CATSPER3: variants seen among roughly 807,000 people sequenced by gnomAD.
The protein encoded by CATSPER3 is cation channel sperm associated 3.
Under a neutral mutation model 36.6 loss-of-function variants are expected in CATSPER3, and 23 were observed. That is an observed-to-expected ratio of 0.63 (90% confidence interval 0.45 to 0.89). The LOEUF (loss-of-function observed/expected upper bound fraction) is 0.89. Among genes scored for constraint, CATSPER3 ranks in the 40% least tolerant of loss-of-function variants. The pLI is 0.00. For missense variants in CATSPER3, 474 were observed against 503.9 expected (o/e 0.94, Z 0.57); for synonymous variants, 172 against 184.1 (o/e 0.93, Z 0.53).
chr5:135,010,514 G>T lies in CATSPER3; in HGVS notation c.1078G>T (p.Asp360Tyr). 6.2e-7 allele frequency: 1 copy of T among 1,614,160 alleles called. No individual in the cohort carries two copies. The highest frequency in any genetic ancestry group is 8.5e-7 in the Non-Finnish European group (1 of 1,180,004). The change falls in exon 7 of 8, where the codon GAC becomes TAC. Residue 360 changes from aspartate (D) to tyrosine (Y), a missense_variant. By Grantham distance (160) the Asp-to-Tyr change is radical. Transcript: ENST00000282611. ...CTACTTTTCCACTCTGGACTACCAG[G>T]ACACAACTGTCCACAAGTCAGTTCC... Reference protein sequence around the residue: ...DIYFSTLDYQDTTVHKLQELY... With the variant: ...DIYFSTLDYQYTTVHKLQELY...
intron 3 of CATSPER3, among the ~76,000 whole-genome samples, chr5:135,007,520 G>A (rs78524033): frequency 0.014 from 2,199 of 152,222 alleles, 48 homozygotes; most frequent in East Asian, 0.084. Flanking sequence ...CATTCCTCTC[G>A]GCCTTCTGTA....
intron 2 of CATSPER3, among the ~76,000 whole-genome samples, chr5:134,974,832 CT>C (rs753989517): frequency 6.6e-6 from 1 of 152,136 alleles, no homozygotes; most frequent in Non-Finnish European, 1.5e-5. Context: ...TGGTTATGGA[CT>C]GTGGAACATC....
chr5:134,975,163 A>G (rs924514006), intron 2 of CATSPER3: 5 of 152,146 alleles, frequency 3.3e-5, no homozygotes, highest in African/African-American at 1.2e-4. Context: ...ATTGAAAATA[A>G]CATGTATGAA....
At chr5:134,987,262 A>G (rs1406014808) in intron 2 of CATSPER3, among the ~76,000 whole-genome samples, 4 of 152,208 alleles carry the variant, frequency 2.6e-5, no homozygotes, top group Middle Eastern at 3.2e-3. Context: ...TCTAGATGAA[A>G]TGGACAGCAC....
At position 134,993,547 on chromosome 5, in the gene CATSPER3, G is replaced by A. The variant is rs115125158; in HGVS notation, c.253-2726G>A. On this transcript the variant is annotated intron_variant, in intron 2 of 7. Coordinates refer to ENST00000282611, the MANE Select transcript of CATSPER3 (RefSeq NM_178019.3). The stretch of plus-strand genomic sequence containing the variant: ...AAATAAAGAACTTTCTTCATGAGAC[G>A]ATCAAGATAAATAGAAGCCCTAAAT... Among the ~76,000 whole-genome samples the A allele has an allele frequency of 6.7e-3, 1,023 of 152,094 alleles. 9 individuals carry two copies. The highest frequency in any genetic ancestry group is 0.024 in the African/African-American group (982 of 41,506).
chr5:134,996,344 C>G lies in CATSPER3; in HGVS notation c.324C>G (p.Asn108Lys). ...LSMKVYVDPI[N>K]YWKNGYNLLD... ...TGAAGGTCTATGTGGACCCCATCAACTACTGGAAGAACGGCTACAACCTGC... is the reference window on the plus strand; with the variant it reads ...TGAAGGTCTATGTGGACCCCATCAAGTACTGGAAGAACGGCTACAACCTGC... Residue 108 changes from asparagine (N) to lysine (K), a missense_variant, in exon 3 of 8, where the codon AAC (asparagine) becomes AAG (lysine). By Grantham distance (94) the Asn-to-Lys change is moderately conservative. Transcript: ENST00000282611. 2 of 1,614,234 alleles carry G rather than the reference C, an allele frequency of 1.2e-6. No individual in the cohort carries two copies. Among genetic ancestry groups the G allele is most frequent in the Non-Finnish European group, 1.7e-6 (2 of 1,180,010 alleles).
intron 2 of CATSPER3, among the ~76,000 whole-genome samples, chr5:134,995,453 G>A (rs1751933286): frequency 6.6e-6 from 1 of 151,956 alleles, no homozygotes; most frequent in African/African-American, 2.4e-5. Flanking sequence ...CCTCCAACCT[G>A]GCGAGTCCCT....
At chr5:134,975,826 T>C (rs1751666352) in intron 2 of CATSPER3, among the ~76,000 whole-genome samples, 1 of 152,232 alleles carries the variant, frequency 6.6e-6, no homozygotes, top group African/African-American at 2.4e-5. Context: ...TGCAATCCCA[T>C]GTTTATTGTA....
intron 2 of CATSPER3, among the ~76,000 whole-genome samples, chr5:134,994,348 G>T (rs141991275): frequency 6.6e-6 from 1 of 152,200 alleles, no homozygotes; most frequent in African/African-American, 2.4e-5. Context: ...TATTAATAGA[G>T]AAATGAAAAT....
Position 134,996,358 on chromosome 5 carries a change from G to T in CATSPER3, c.338G>T (p.Gly113Val). ...GACCCCATCAACTACTGGAAGAACGGCTACAACCTGCTGGATGTGATCATT... is the reference window on the plus strand; with the variant it reads ...GACCCCATCAACTACTGGAAGAACGTCTACAACCTGCTGGATGTGATCATT... ...YVDPINYWKN[G>V]YNLLDVIIII... Residue 113 changes from glycine (G) to valine (V), a missense_variant, in exon 3 of 8, where the codon GGC becomes GTC. Gly to Val is a moderately radical substitution (Grantham distance 109). Coordinates refer to ENST00000282611, the MANE Select transcript of CATSPER3 (RefSeq NM_178019.3). The T allele has an allele frequency of 1.2e-6, 2 of 1,614,250 alleles. No individual in the cohort carries two copies. Among genetic ancestry groups the T allele is most frequent in the Non-Finnish European group, 8.5e-7 (1 of 1,180,044 alleles).
At chr5:134,973,664 C>T (rs555079957) in intron 2 of CATSPER3, among the ~76,000 whole-genome samples, 34 of 152,186 alleles carry the variant, frequency 2.2e-4, no homozygotes, top group Non-Finnish European at 3.5e-4. Flanking sequence ...TCCTACTGGC[C>T]AAAGATGGGA....
intron 3 of CATSPER3, among the ~76,000 whole-genome samples, chr5:134,997,156 T>A (rs929095992): frequency 2.0e-5 from 3 of 152,180 alleles, no homozygotes; most frequent in African/African-American, 7.2e-5. Context: ...TCCATCCTTC[T>A]CCAGGTGGGG....
chr5:135,009,266 T>C, intron 5 of CATSPER3, 105 bp from the exon 6 acceptor site: 2 of 1,246,162 alleles, frequency 1.6e-6, no homozygotes, highest in South Asian at 1.2e-5. Flanking sequence ...GGAAAAGTGC[T>C]CCTGCTGAGG....
At chr5:134,984,943 C>T (rs1184510730) in intron 2 of CATSPER3, among the ~76,000 whole-genome samples, 3 of 152,098 alleles carry the variant, frequency 2.0e-5, no homozygotes, top group African/African-American at 4.8e-5. Flanking sequence ...CTCAGCTTCC[C>T]GAGTAGCTGT....
chr5:135,007,554 C>A (rs1401125607), intron 3 of CATSPER3, among the ~76,000 whole-genome samples: 1 of 152,228 alleles, frequency 6.6e-6, no homozygotes, highest in Non-Finnish European at 1.5e-5. Flanking sequence ...AGTCGTTCCC[C>A]TACTCCTCCT....
rs1253994073 is a variant in CATSPER3 at position 135,011,598 on chromosome 5, C to T, written c.1172C>T (p.Ser391Phe). 6.2e-7 allele frequency: 1 copy of T among 1,613,774 alleles called. No individual in the cohort carries two copies. Among genetic ancestry groups the T allele is most frequent in the Non-Finnish European group, 8.5e-7 (1 of 1,179,844 alleles). ...GACTTGCCCCAGGAGAAGCCCCAGT[C>T]CTTGGAAAAGGTGGATGAGAAGTAG... ...LEDLPQEKPQ[S>F]LEKVDEK Residue 391 changes from serine to phenylalanine, a missense_variant, in exon 8 of 8, where the codon TCC becomes TTC. Transcript: ENST00000282611.
At chr5:135,006,547 AAAAT>A (rs372729555) in intron 3 of CATSPER3, among the ~76,000 whole-genome samples, 34 of 152,248 alleles carry the variant, frequency 2.2e-4, no homozygotes, top group African/African-American at 6.3e-4. Flanking sequence ...TAAGAAAAAA[AAAAT>A]ATCGGCTGGG....
In CATSPER3 at chr5:135,008,991, C is replaced by T; in HGVS notation, c.816+10C>T. On this transcript the variant is annotated intron_variant, in intron 5 of 7. Transcript: ENST00000282611. ...GATCATGCACACAGAGGTGAGGCCA[C>T]ACCTGTGAGGATCGGAGGTCAGGGC... is the stretch of plus-strand genomic sequence containing the variant. 1 of 1,614,026 alleles carries T rather than the reference C, an allele frequency of 6.2e-7. No homozygotes were observed. Among genetic ancestry groups the T allele is most frequent in the South Asian group, 1.1e-5 (1 of 91,080 alleles).
intron 2 of CATSPER3, among the ~76,000 whole-genome samples, chr5:134,990,434 T>C (rs1454468565): frequency 1.3e-5 from 2 of 152,184 alleles, no homozygotes; most frequent in Non-Finnish European, 2.9e-5. Flanking sequence ...CAATCAGATA[T>C]GCATTTATCT....
Sources: allele counts gnomAD v4.1 joint callset (sites outside exome capture counted in the v4.1 genomes callset), GRCh38; gene constraint gnomAD v4.1.1; transcripts MANE v1.5; gene names NCBI Gene and HGNC (gene_info 2026-07-23, HGNC 2026-07-21).